Variants in PARD3B observed in about 807,000 individuals in gnomAD.
PARD3B encodes the protein partitioning defective 3 homolog B.
In PARD3B, 103 loss-of-function variants were observed where a neutral mutation model predicts 130.2. The ratio of observed to expected loss-of-function variants is 0.79; its 90% CI spans 0.67 to 0.93. The LOEUF is 0.93. PARD3B is among the 40% of genes least tolerant of loss of function. The probability of loss-of-function intolerance (pLI) is 0.00; values close to 1 mark genes in which losing one functional copy is unlikely to be tolerated. For synonymous variants in PARD3B, 583 were observed against 553.2 expected, an observed-to-expected ratio of 1.05 and a Z score of -0.76; for missense variants, 1,609 against 1,499.2, an observed-to-expected ratio of 1.07 and a Z score of -1.21.
intron 1 of PARD3B, among the ~76,000 whole-genome samples, chr2:204,634,637 A>G (rs937821937): frequency 7.9e-5 from 12 of 151,968 alleles, no homozygotes; most frequent in African/African-American, 2.2e-4. Context: ...GTTGTATTCT[A>G]TGGTGTTAAC....
intron 13 of PARD3B, among the ~76,000 whole-genome samples, chr2:205,177,425 A>G (rs2035536920): frequency 6.6e-6 from 1 of 152,234 alleles, no homozygotes; most frequent in Admixed American, 6.5e-5. Flanking sequence ...TGTTTAGGAA[A>G]TTTCTTTTTA....
intron 2 of PARD3B, among the ~76,000 whole-genome samples, chr2:204,696,314 A>AT (rs2037611173): frequency 6.6e-6 from 1 of 152,030 alleles, no homozygotes; most frequent in Non-Finnish European, 1.5e-5. Context: ...ACTGCTCAGT[A>AT]TGGGCAAATA....
rs185146314 is a variant in PARD3B at position 205,187,501 on chromosome 2, A to G, written c.2024+1638A>G. 6.0e-4 allele frequency among the ~76,000 whole-genome samples: 91 copies of G among 152,250 alleles called. No homozygotes were observed. Among genetic ancestry groups the G allele is most frequent in the African/African-American group, 2.0e-3 (85 of 41,548 alleles). On this transcript the variant is annotated intron_variant, in intron 14 of 22. Transcript: ENST00000406610. This position sits in a 1 kb window ranked among gnomAD's most constrained non-coding sequence, Gnocchi z 4.9. ...CCCTGGAAGCCAGGACTCTTTGGAT[A>G]CCTTTTAGGGCAACTGCAGTCAGAG...
intron 18 of PARD3B, among the ~76,000 whole-genome samples, chr2:205,327,205 C>T (rs1249814981): frequency 2.0e-5 from 3 of 152,164 alleles, no homozygotes; most frequent in African/African-American, 7.2e-5. Context: ...TCATTTCTCC[C>T]TGAAACTTTG....
chr2:204,620,893 C>G (rs2034276435), intron 1 of PARD3B, among the ~76,000 whole-genome samples: 1 of 108,616 alleles, frequency 9.2e-6, no homozygotes, highest in African/African-American at 3.5e-5. Flanking sequence ...TTCTGAGTGC[C>G]CTTTCCCTAT....
intron 16 of PARD3B, among the ~76,000 whole-genome samples, chr2:205,273,609 T>G (rs1252342613): frequency 6.6e-6 from 1 of 152,196 alleles, no homozygotes; most frequent in Non-Finnish European, 1.5e-5. Context: ...AAAATGGATT[T>G]GCGTAAGAGT....
chr2:205,497,551 C>G (rs1008356080), intron 20 of PARD3B, among the ~76,000 whole-genome samples: 3 of 150,382 alleles, frequency 2.0e-5, no homozygotes, highest in African/African-American at 7.3e-5. Flanking sequence ...AAACTTGGAA[C>G]CCAACTGTAA....
At position 205,276,711 on chromosome 2, in the gene PARD3B, G is replaced by A. The variant is rs946917614; in HGVS notation, c.2186-23819G>A. Among the ~76,000 whole-genome samples, 2 of 152,154 alleles carry A rather than the reference G, an allele frequency of 1.3e-5. No individual in the cohort carries two copies. The highest frequency in any genetic ancestry group is 2.4e-5 in the African/African-American group (1 of 41,432). ...TCTGAGCTTCCTGTGAAATCTATAGGAGGAGAAGCCCAAGGGACTCTGGCT... is the reference window on the plus strand; with the variant it reads ...TCTGAGCTTCCTGTGAAATCTATAGAAGGAGAAGCCCAAGGGACTCTGGCT... On this transcript the variant is annotated intron_variant, in intron 16 of 22. Coordinates refer to ENST00000406610, the MANE Select transcript of PARD3B (RefSeq NM_001302769.2). This position sits in a 1 kb window ranked among gnomAD's most constrained non-coding sequence, Gnocchi z 5.0.
At chr2:204,978,793 C>T (rs1055401753) in intron 3 of PARD3B, among the ~76,000 whole-genome samples, 5 of 151,852 alleles carry the variant, frequency 3.3e-5, no homozygotes, top group African/African-American at 1.2e-4. Context: ...AAAACTCTGT[C>T]TCTACTAAAA....
At chr2:204,876,216 T>C (rs2045838481) in intron 2 of PARD3B, among the ~76,000 whole-genome samples, 1 of 152,190 alleles carries the variant, frequency 6.6e-6, no homozygotes, top group Non-Finnish European at 1.5e-5. Context: ...TAATTTTGGA[T>C]TTAATCTTTG....
chr2:204,597,581 A>G (rs1389092358), intron 1 of PARD3B, among the ~76,000 whole-genome samples: 3 of 152,152 alleles, frequency 2.0e-5, no homozygotes, highest in Non-Finnish European at 2.9e-5. Flanking sequence ...AGGGCTGGGG[A>G]GCAGGTGATG....
intron 1 of PARD3B, among the ~76,000 whole-genome samples, chr2:204,615,239 C>A (rs1317064730): frequency 6.6e-6 from 1 of 152,130 alleles, no homozygotes; most frequent in African/African-American, 2.4e-5. Context: ...TGATACTACA[C>A]CAAAACTCAG....
At chr2:205,054,462 A>G (rs1279556895) in intron 4 of PARD3B, among the ~76,000 whole-genome samples, 19 of 58,324 alleles carry the variant, frequency 3.3e-4, no homozygotes, top group African/African-American at 1.2e-3. Flanking sequence ...TTTTTTAATT[A>G]TACTCTAAGT....
intron 16 of PARD3B, among the ~76,000 whole-genome samples, chr2:205,278,886 A>G (rs2041060646): frequency 6.6e-6 from 1 of 151,970 alleles, no homozygotes; most frequent in Admixed American, 6.5e-5. Context: ...GTTGACCAAC[A>G]TGGCTAAACC....
intron 20 of PARD3B, among the ~76,000 whole-genome samples, chr2:205,459,675 A>G (rs1388963484): frequency 6.6e-6 from 1 of 152,158 alleles, no homozygotes; most frequent in Non-Finnish European, 1.5e-5. Context: ...ACCTTCCATC[A>G]GTCACATTCC....
chr2:205,549,640 G>A (rs2052530084), intron 21 of PARD3B, among the ~76,000 whole-genome samples: 2 of 152,160 alleles, frequency 1.3e-5, no homozygotes, highest in African/African-American at 4.8e-5. Context: ...AAGGAGTGAT[G>A]AATAGGCAGA....
rs544843730 is a variant in PARD3B, at chr2:205,312,799, G to A, written c.2630+11098G>A. 7.2e-5 allele frequency among the ~76,000 whole-genome samples: 11 copies of A among 152,276 alleles called. No homozygotes were observed. In the East Asian group the frequency reaches 1.5e-3, roughly 21 times the overall value. ...TTTAATTTTTCATTCGGGTTGGAAA[G>A]AGCAATGACCCTTTTTTTTCCATTA... is the stretch of plus-strand genomic sequence containing the variant. On this transcript the variant is annotated intron_variant, in intron 18 of 22. Transcript: ENST00000406610.
rs1268332761 is a variant in PARD3B, at chr2:205,126,139, G to A, written c.1434+402G>A. On this transcript the variant is annotated intron_variant, in intron 10 of 22. Coordinates refer to ENST00000406610, the MANE Select transcript of PARD3B (RefSeq NM_001302769.2). ...AAGATAGCCAAGTATTCAAAATGGC[G>A]ATGAAGATTATGAAGGGAAAATGCA... Among the ~76,000 whole-genome samples, 10 of 152,282 alleles carry A rather than the reference G, an allele frequency of 6.6e-5. No individual in the cohort carries two copies. In the East Asian group the frequency reaches 1.3e-3, roughly 21 times the overall value.
chr2:205,121,951 T>G lies in PARD3B; in HGVS notation c.1165+2T>G. ...AAATTAAGATTGACCTAAAGAAAGG[T>G]AATTATTAAATTATGCCTAATAGCA... On this transcript the variant is annotated splice_donor_variant, in intron 8 of 22. Coordinates refer to ENST00000406610, the MANE Select transcript of PARD3B (RefSeq NM_001302769.2). LOFTEE classifies it high-confidence loss of function. The surrounding 1 kb of genome is among the most constrained non-coding windows in gnomAD (Gnocchi z 5.0). The G allele has an allele frequency of 6.3e-7, 1 of 1,593,516 alleles. No individual in the cohort carries two copies. The highest frequency in any genetic ancestry group is 8.6e-7 in the Non-Finnish European group (1 of 1,166,418).
Sources: allele counts gnomAD v4.1 joint callset (sites outside exome capture counted in the v4.1 genomes callset), GRCh38; gene constraint gnomAD v4.1.1; non-coding constraint Gnocchi (gnomAD v3.1); transcripts MANE v1.5; gene names NCBI Gene and HGNC (gene_info 2026-07-23, HGNC 2026-07-21).